Variants in ADGRB3 observed in about 807,000 individuals in gnomAD.
The protein encoded by ADGRB3 is brain-specific angiogenesis inhibitor 3.
In ADGRB3, 37 loss-of-function variants were observed where a neutral mutation model predicts 193.4. The ratio of observed to expected loss-of-function variants is 0.19; its 90% confidence interval spans 0.15 to 0.25. The LOEUF (loss-of-function observed/expected upper bound fraction) is 0.25, where lower values mean the gene tolerates loss of function less well. ADGRB3 is among the 10% of genes least tolerant of loss of function. The pLI, the probability that ADGRB3 is intolerant of heterozygous loss-of-function variation, is 1.00. For missense variants in ADGRB3, 1,637 were observed against 1,852.9 expected (o/e 0.88, Z 2.14); for synonymous variants, 690 against 644.2 (o/e 1.07, Z -1.08).
intron 17 of ADGRB3, among the ~76,000 whole-genome samples, chr6:69,091,312 T>A (rs1021573728): frequency 2.0e-5 from 3 of 152,216 alleles, no homozygotes; most frequent in Non-Finnish European, 2.9e-5. Flanking sequence ...GTAATATAAA[T>A]CATTTTATTA....
At chr6:69,153,764 C>T (rs939179846) in intron 17 of ADGRB3, among the ~76,000 whole-genome samples, 8 of 152,064 alleles carry the variant, frequency 5.3e-5, no homozygotes, top group Non-Finnish European at 8.8e-5. Flanking sequence ...GAGGCCAAGG[C>T]GGGCGGATCA....
chr6:68,825,735 C>T (rs531723611), intron 3 of ADGRB3, among the ~76,000 whole-genome samples: 9 of 152,282 alleles, frequency 5.9e-5, no homozygotes, highest in African/African-American at 2.2e-4. Flanking sequence ...GGCTCTTTCC[C>T]CTTCACTGGG....
intron 17 of ADGRB3, among the ~76,000 whole-genome samples, chr6:69,139,454 A>G (rs1774254429): frequency 1.3e-5 from 2 of 152,210 alleles, no homozygotes; most frequent in South Asian, 4.1e-4. Flanking sequence ...TCTCAAATAA[A>G]GACATGTATC....
At chr6:68,811,995 G>A (rs1478986202) in intron 3 of ADGRB3, among the ~76,000 whole-genome samples, 2 of 152,196 alleles carry the variant, frequency 1.3e-5, no homozygotes. Context: ...AGTAGATGAA[G>A]ACAAGACTAT....
At chr6:69,038,508 T>A (rs980972235) in intron 13 of ADGRB3, among the ~76,000 whole-genome samples, 3 of 152,236 alleles carry the variant, frequency 2.0e-5, no homozygotes, top group Non-Finnish European at 2.9e-5. Context: ...CCATATTGAT[T>A]TGTTTTTAAT....
intron 3 of ADGRB3, among the ~76,000 whole-genome samples, chr6:68,785,061 A>G (rs999837751): frequency 1.3e-5 from 2 of 152,144 alleles, no homozygotes; most frequent in African/African-American, 4.8e-5. Context: ...AATCTCCTAG[A>G]GCTTCATCAT....
At chr6:68,682,601 A>G (rs1489434105) in intron 3 of ADGRB3, among the ~76,000 whole-genome samples, 1 of 152,230 alleles carries the variant, frequency 6.6e-6, no homozygotes, top group African/African-American at 2.4e-5. Flanking sequence ...AAAATTTATC[A>G]GACTATGCTG....
At chr6:68,828,344 A>T (rs1438351279) in intron 3 of ADGRB3, among the ~76,000 whole-genome samples, 1 of 152,212 alleles carries the variant, frequency 6.6e-6, no homozygotes, top group Non-Finnish European at 1.5e-5. Flanking sequence ...GTTCTAGCAC[A>T]TTTTCCAAAA....
chr6:69,267,475 C>G (rs999416259), intron 20 of ADGRB3, among the ~76,000 whole-genome samples: 1 of 152,148 alleles, frequency 6.6e-6, no homozygotes, highest in African/African-American at 2.4e-5. Context: ...TAGCATTAGT[C>G]TGTTAAAATC....
intron 6 of ADGRB3, among the ~76,000 whole-genome samples, chr6:68,950,321 G>T (rs1562097459): frequency 6.6e-6 from 1 of 152,228 alleles, no homozygotes; most frequent in East Asian, 1.9e-4. Flanking sequence ...AGAAAGAAGA[G>T]AAATTGAAAC....
chr6:68,747,985 G>C (rs1766117854), intron 3 of ADGRB3, among the ~76,000 whole-genome samples: 1 of 152,134 alleles, frequency 6.6e-6, no homozygotes, highest in Non-Finnish European at 1.5e-5. Flanking sequence ...AGAAGCAAAA[G>C]TGGAAACCCA....
chr6:69,001,037 C>A (rs1769561384), intron 11 of ADGRB3, among the ~76,000 whole-genome samples: 1 of 151,812 alleles, frequency 6.6e-6, no homozygotes, highest in African/African-American at 2.4e-5. Flanking sequence ...CTTATGATAT[C>A]ATTGAAGAAA....
At chr6:69,292,267 T>C (rs949430635) in intron 20 of ADGRB3, among the ~76,000 whole-genome samples, 5 of 152,152 alleles carry the variant, frequency 3.3e-5, no homozygotes, top group Non-Finnish European at 7.3e-5. Flanking sequence ...TTTTTTTTTC[T>C]TCTGCACAAA....
chr6:69,345,599 G>A (rs927725706), intron 26 of ADGRB3, among the ~76,000 whole-genome samples: 10 of 152,068 alleles, frequency 6.6e-5, no homozygotes, highest in Non-Finnish European at 8.8e-5. Context: ...CTGATGGAAC[G>A]TAGCTCAAAA....
rs59503764 is a variant in ADGRB3, at chr6:69,251,879, T to C, written c.2814+12653T>C. On this transcript the variant is annotated intron_variant, in intron 20 of 31. Transcript: ENST00000370598. ...ATGTACATTAGATCTCAAGAACTTA[T>C]TGGTCTCATAACTGGAATTTTGTAC... Among the ~76,000 whole-genome samples, 453 of 152,300 alleles carry C rather than the reference T, an allele frequency of 3.0e-3. 1 individual carries two copies. The highest frequency in any genetic ancestry group is 0.01 in the African/African-American group (423 of 41,582).
At chr6:68,763,701 A>AT (rs1489892986) in intron 3 of ADGRB3, among the ~76,000 whole-genome samples, 2 of 152,252 alleles carry the variant, frequency 1.3e-5, no homozygotes, top group Non-Finnish European at 2.9e-5. Context: ...CACACTTTAT[A>AT]TTTTTTTGTT....
intron 31 of ADGRB3, among the ~76,000 whole-genome samples, chr6:69,383,233 TAA>T (rs1218145469): frequency 2.0e-5 from 3 of 152,014 alleles, no homozygotes; most frequent in African/African-American, 7.2e-5. Flanking sequence ...AAATTAAAAT[TAA>T]GTTTCTTTTC....
intron 17 of ADGRB3, among the ~76,000 whole-genome samples, chr6:69,082,739 A>G (rs1772423909): frequency 1.3e-5 from 2 of 152,014 alleles, no homozygotes. Flanking sequence ...GACATGTCTT[A>G]TATTTGAAAC....
At chr6:68,923,834 T>C (rs2150243419) in intron 3 of ADGRB3, among the ~76,000 whole-genome samples, 1 of 152,106 alleles carries the variant, frequency 6.6e-6, no homozygotes, top group East Asian at 1.9e-4. Flanking sequence ...AATATAGAAA[T>C]AACCATCCAG....
Sources: allele counts gnomAD v4.1 joint callset (sites outside exome capture counted in the v4.1 genomes callset), GRCh38; gene constraint gnomAD v4.1.1; transcripts MANE v1.5; gene names NCBI Gene and HGNC (gene_info 2026-07-23, HGNC 2026-07-21).